Variants in AGAP1 observed in about 807,000 individuals in gnomAD.
AGAP1 encodes ArfGAP with GTPase domain, ankyrin repeat and PH domain 1.
AGAP1 carries 29 observed loss-of-function variants against 105.3 expected under a neutral mutation model. The observed-to-expected ratio is 0.28, with a 90% CI of 0.21 to 0.38. AGAP1 has a LOEUF of 0.38. Among genes scored for constraint, AGAP1 ranks in the 10% least tolerant of loss-of-function variants. The probability of loss-of-function intolerance (pLI) is 1.00; values close to 1 mark genes in which losing one functional copy is unlikely to be tolerated. For synonymous variants in AGAP1, 509 were observed against 485.9 expected (o/e 1.05, Z -0.63); for missense variants, 998 against 1,165.1 (o/e 0.86, Z 2.09).
Position 235,690,935 on chromosome 2 carries a change from C to T in AGAP1, c.164-18244C>T, listed in dbSNP as rs978049514. 2.0e-5 allele frequency among the ~76,000 whole-genome samples: 3 copies of T among 152,126 alleles called. No homozygotes were observed. Among genetic ancestry groups the T allele is most frequent in the South Asian group, 2.1e-4 (1 of 4,828 alleles). On this transcript the variant is annotated intron_variant, in intron 1 of 17. Transcript: ENST00000304032. This position sits in a 1 kb window ranked among gnomAD's most constrained non-coding sequence, Gnocchi z 4.1. ...CTGGCCTGAGGGTTTGGCAGGGATT[C>T]GTGGCTGCTATTTTAGATATGCCAG...
chr2:235,955,602 TAAAGAA>T (rs1428445087), intron 12 of AGAP1, among the ~76,000 whole-genome samples: 1 of 152,198 alleles, frequency 6.6e-6, no homozygotes, highest in Non-Finnish European at 1.5e-5. Context: ...TTTATGATGT[TAAAGAA>T]GAAAAGAATC....
intron 1 of AGAP1, chr2:235,670,230 C>T (rs745879597): frequency 4.0e-5 from 23 of 568,284 alleles, no homozygotes; most frequent in African/African-American, 7.8e-5. Flanking sequence ...CTGGCCGCGC[C>T]GGGCTCCGGC....
chr2:235,948,327 C>G (rs1252238716), intron 12 of AGAP1, among the ~76,000 whole-genome samples: 1 of 152,044 alleles, frequency 6.6e-6, no homozygotes, highest in African/African-American at 2.4e-5. Context: ...GGACCACAGG[C>G]ATGCGCCACC....
At position 236,058,242 on chromosome 2, in the gene AGAP1, G is replaced by A. The variant is rs1576194154; in HGVS notation, c.2114+8961G>A. ...ACTCACTGTGTTAATCCAAGTCCCT[G>A]GACTTCATTCCTCACTTCTTTAGAC... On this transcript the variant is annotated intron_variant, in intron 16 of 17. Transcript: ENST00000304032. This position sits in a 1 kb window ranked among gnomAD's most constrained non-coding sequence, Gnocchi z 4.6. Among the ~76,000 whole-genome samples, 2 of 152,284 alleles carry A rather than the reference G, an allele frequency of 1.3e-5. No individual in the cohort carries two copies. Among genetic ancestry groups the A allele is most frequent in the Non-Finnish European group, 2.9e-5 (2 of 68,036 alleles).
chr2:235,913,902 T>C (rs770918905), intron 11 of AGAP1, among the ~76,000 whole-genome samples: 2 of 152,220 alleles, frequency 1.3e-5, no homozygotes, highest in African/African-American at 2.4e-5. Context: ...GTGGAGTTCC[T>C]TATCGTGGAA....
At chr2:236,028,044 G>T (rs902057814) in intron 13 of AGAP1, among the ~76,000 whole-genome samples, 3 of 152,150 alleles carry the variant, frequency 2.0e-5, no homozygotes, top group African/African-American at 7.2e-5. Context: ...CTCAAGAAAA[G>T]AATATCTTAA....
At chr2:235,937,206 T>C (rs1358698196) in intron 12 of AGAP1, among the ~76,000 whole-genome samples, 1 of 152,188 alleles carries the variant, frequency 6.6e-6, no homozygotes, top group Non-Finnish European at 1.5e-5. Context: ...GGGCACTCCC[T>C]GCCTCACCGC....
At chr2:235,916,912 A>C (rs2051913618) in intron 11 of AGAP1, among the ~76,000 whole-genome samples, 1 of 152,226 alleles carries the variant, frequency 6.6e-6, no homozygotes, top group African/African-American at 2.4e-5. Flanking sequence ...TCATGGCAGC[A>C]AGGGGGCAGA....
At chr2:235,816,906 A>G (rs568002580) in intron 9 of AGAP1, among the ~76,000 whole-genome samples, 1 of 151,990 alleles carries the variant, frequency 6.6e-6, no homozygotes, top group East Asian at 1.9e-4. Flanking sequence ...AAAGATATCT[A>G]CCAAGACCAA....
intron 17 of AGAP1, among the ~76,000 whole-genome samples, chr2:236,122,315 A>AAGG (rs1184102630): frequency 6.6e-6 from 1 of 152,004 alleles, no homozygotes; most frequent in Non-Finnish European, 1.5e-5. Context: ...CACCACCATA[A>AAGG]AGGCTCTGTC....
At chr2:235,974,792 A>G (rs2054789436) in intron 13 of AGAP1, among the ~76,000 whole-genome samples, 2 of 152,228 alleles carry the variant, frequency 1.3e-5, no homozygotes, top group Admixed American at 1.3e-4. Context: ...GAAATTGTAG[A>G]TCATTTTATT....
chr2:235,595,890 C>G (rs1004837078), intron 1 of AGAP1, among the ~76,000 whole-genome samples: 14 of 152,200 alleles, frequency 9.2e-5, no homozygotes, highest in Admixed American at 3.9e-4. Flanking sequence ...TCAACATAAA[C>G]TAGGGCAGCT....
At chr2:236,063,084 C>T (rs773632258) in intron 16 of AGAP1, among the ~76,000 whole-genome samples, 15 of 151,994 alleles carry the variant, frequency 9.9e-5, no homozygotes, top group Admixed American at 2.6e-4. Flanking sequence ...CACTGCGCCC[C>T]GCTGTACTCA....
intron 9 of AGAP1, among the ~76,000 whole-genome samples, chr2:235,813,442 G>T (rs1312854022): frequency 6.6e-6 from 1 of 152,264 alleles, no homozygotes; most frequent in Non-Finnish European, 1.5e-5. Flanking sequence ...TTAAGACTCA[G>T]TGTGTCCTCT....
Position 235,807,348 on chromosome 2 carries a change from T to C in AGAP1, c.1050+17T>C. The C allele has an allele frequency of 6.4e-7, 1 of 1,570,984 alleles. No homozygotes were observed. Among genetic ancestry groups the C allele is most frequent in the Admixed American group, 2.1e-5 (1 of 46,536 alleles). On this transcript the variant is annotated intron_variant, in intron 9 of 17. Coordinates refer to ENST00000304032, the MANE Select transcript of AGAP1 (RefSeq NM_001037131.3). ...ATTAAACAGGTGAGCAGCCTCCCCA[T>C]CCTTCCCTCCCTGTCGCCGGAGATA...
chr2:235,885,244 C>T (rs191677085), intron 10 of AGAP1, among the ~76,000 whole-genome samples: 148 of 152,318 alleles, frequency 9.7e-4, no homozygotes, highest in South Asian at 6.8e-3. Context: ...GCCTTCCTCA[C>T]TCATAGTAGA....
chr2:235,589,008 A>G (rs1366140622), intron 1 of AGAP1, among the ~76,000 whole-genome samples: 7 of 151,846 alleles, frequency 4.6e-5, no homozygotes, highest in East Asian at 3.9e-4. Flanking sequence ...TCGAAATACA[A>G]CTGTGTTTTA....
At position 236,098,053 on chromosome 2, in the gene AGAP1, G is replaced by A. The variant is rs562907098; in HGVS notation, c.2115-22139G>A. Among the ~76,000 whole-genome samples the A allele has an allele frequency of 2.6e-5, 4 of 152,180 alleles. No individual in the cohort carries two copies. In the South Asian group the frequency reaches 8.3e-4, roughly 32 times the overall value. ...AGGCTGAGTACTATTCCATCGTGTG[G>A]ATAGAGCACATTTTGCTTATCTAAA... is the stretch of plus-strand genomic sequence containing the variant. On this transcript the variant is annotated intron_variant, in intron 16 of 17. Transcript: ENST00000304032.
At chr2:235,707,471 G>GCCCC (rs1559377272) in intron 1 of AGAP1, among the ~76,000 whole-genome samples, 1 of 6,006 alleles carries the variant, frequency 1.7e-4, no homozygotes, top group Non-Finnish European at 5.1e-4. Context: ...CCCTCCCCAT[G>GCCCC]ACCCCCCCCC....
Sources: allele counts gnomAD v4.1 joint callset (sites outside exome capture counted in the v4.1 genomes callset), GRCh38; gene constraint gnomAD v4.1.1; non-coding constraint Gnocchi (gnomAD v3.1); transcripts MANE v1.5; gene names NCBI Gene and HGNC (gene_info 2026-07-23, HGNC 2026-07-21).